Variants in MYOCD observed in about 807,000 individuals in gnomAD.
The protein encoded by MYOCD is myocardin.
In MYOCD, 32 loss-of-function variants were observed where a neutral mutation model predicts 96.1. The observed-to-expected ratio is 0.33, with a 90% CI of 0.25 to 0.45. MYOCD has a LOEUF of 0.45. MYOCD is among the 20% of genes least tolerant of loss of function. The pLI, the probability that MYOCD is intolerant of heterozygous loss-of-function variation, is 1.00. For missense variants in MYOCD, 1,133 were observed against 1,200.6 expected (o/e 0.94, Z 0.83); for synonymous variants, 469 against 469.0 (o/e 1.00, Z 0.00).
At chr17:12,760,547 T>C in intron 12 of MYOCD, 103 bp from the exon 13 acceptor site, 2 of 934,730 alleles carry the variant, frequency 2.1e-6, no homozygotes, top group Non-Finnish European at 3.4e-6. Flanking sequence ...AAAAATACCT[T>C]GACCAAACCT....
intron 4 of MYOCD, among the ~76,000 whole-genome samples, chr17:12,720,717 A>C (rs2031804651): frequency 6.6e-6 from 1 of 152,150 alleles, no homozygotes; most frequent in African/African-American, 2.4e-5. Context: ...AAAGACACAC[A>C]GGTCTTAAAA....
intron 13 of MYOCD, 92 bp from the exon 14 acceptor site, chr17:12,762,981 G>A (rs1033807934): frequency 9.3e-7 from 1 of 1,078,606 alleles, no homozygotes; most frequent in Non-Finnish European, 1.3e-6. Context: ...GGGAAGCGTG[G>A]CCATCTTCTG....
chr17:12,708,568 A>G (rs1280465401), intron 2 of MYOCD, among the ~76,000 whole-genome samples: 1 of 151,708 alleles, frequency 6.6e-6, no homozygotes, highest in Non-Finnish European at 1.5e-5. Context: ...AATTTTTTGT[A>G]TTTTTAGTAG....
intron 1 of MYOCD, among the ~76,000 whole-genome samples, chr17:12,667,572 G>T (rs1019194571): frequency 3.3e-5 from 5 of 152,204 alleles, no homozygotes; most frequent in African/African-American, 1.2e-4. Context: ...AAGAAGAGAG[G>T]ATGTAGATTT....
rs2033247906 is a variant in MYOCD, at chr17:12,763,512, C to T, written c.2829C>T (p.Leu943=). 1.2e-6 allele frequency: 2 copies of T among 1,614,190 alleles called. No homozygotes were observed. The highest frequency in any genetic ancestry group is 2.2e-5 in the South Asian group (2 of 91,084). Residue 943 remains leucine, a synonymous_variant, in exon 14 of 14, where the codon CTC becomes CTT. Coordinates refer to ENST00000425538, the MANE Select transcript of MYOCD (RefSeq NM_001146312.3). ...GGGAAACCATGGAGTGGCTGGACCTCACTCCGCCAAATTCCACACCAGGCT... is the reference window on the plus strand; with the variant it reads ...GGGAAACCATGGAGTGGCTGGACCTTACTCCGCCAAATTCCACACCAGGCT... ...SPWETMEWLD[L]TPPNSTPGFS... is the part of the protein sequence containing the mutation.
chr17:12,758,111 G>A lies in MYOCD; in HGVS notation c.2229G>A (p.Lys743=). The A allele has an allele frequency of 1.2e-6, 2 of 1,614,020 alleles. No homozygotes were observed. The highest frequency in any genetic ancestry group is 1.7e-6 in the Non-Finnish European group (2 of 1,179,974). The part of the protein sequence containing the change: ...QKMAGLHSSD[K]VGPKFSIPSP... The stretch of plus-strand genomic sequence containing the variant: ...TGGCTGGTTTACACTCTTCTGATAA[G>A]GTGGGGCCAAAGTTTTCAATTCCAT... The change falls in exon 12 of 14, where the codon AAG becomes AAA. Residue 743 remains lysine, a synonymous_variant. Transcript: ENST00000425538.
intron 5 of MYOCD, among the ~76,000 whole-genome samples, chr17:12,728,304 A>G (rs1394318650): frequency 6.6e-6 from 1 of 152,170 alleles, no homozygotes; most frequent in African/African-American, 2.4e-5. Context: ...CGAAAGTCGT[A>G]TATTGTCCAG....
In MYOCD at chr17:12,763,666, A is replaced by G. The variant is rs755129310; in HGVS notation, c.*22A>G. 19 of 1,579,684 alleles carry G rather than the reference A, an allele frequency of 1.2e-5. No individual in the cohort carries two copies. The highest frequency in any genetic ancestry group is 6.7e-5 in the African/African-American group (5 of 74,334). ...GTAGAATGCCCAATGCACCAGTGCT[A>G]TGGAAGACCAATGGAGTTCCATGGG... On this transcript the variant is annotated 3_prime_UTR_variant, in exon 14 of 14. Coordinates refer to ENST00000425538, the MANE Select transcript of MYOCD (RefSeq NM_001146312.3).
intron 5 of MYOCD, among the ~76,000 whole-genome samples, chr17:12,733,864 T>C (rs2032254633): frequency 1.0e-5 from 1 of 99,404 alleles, no homozygotes. Flanking sequence ...AGACTCCGTC[T>C]CAAAAAAAAG....
intron 1 of MYOCD, among the ~76,000 whole-genome samples, chr17:12,700,428 T>TTTTTTTTTTC (rs397856913): frequency 9.2e-5 from 13 of 140,878 alleles, no homozygotes; most frequent in Non-Finnish European, 1.7e-4. Context: ...TTTTTTTTTT[T>TTTTTTTTTTC]GAGATGGAGT....
chr17:12,674,840 T>C (rs1469649743), intron 1 of MYOCD, among the ~76,000 whole-genome samples: 1 of 152,214 alleles, frequency 6.6e-6, no homozygotes, highest in African/African-American at 2.4e-5. Context: ...TATAAAATAT[T>C]TGAAGAAAAC....
chr17:12,753,551 T>G (rs1222477153), intron 10 of MYOCD, among the ~76,000 whole-genome samples: 1 of 152,198 alleles, frequency 6.6e-6, no homozygotes, highest in Non-Finnish European at 1.5e-5. Context: ...GCAAACTTAC[T>G]CTGTAAAGGG....
At chr17:12,681,469 C>A (rs1053498775) in intron 1 of MYOCD, among the ~76,000 whole-genome samples, 10 of 152,130 alleles carry the variant, frequency 6.6e-5, no homozygotes, top group Non-Finnish European at 1.2e-4. Flanking sequence ...TCGCAGTGTT[C>A]GTGTGAACAG....
chr17:12,683,007 C>T (rs527419854), intron 1 of MYOCD, among the ~76,000 whole-genome samples: 69 of 152,178 alleles, frequency 4.5e-4, no homozygotes, highest in Admixed American at 3.6e-3. Flanking sequence ...TCAAACTGAA[C>T]GACAGGACTG....
intron 1 of MYOCD, among the ~76,000 whole-genome samples, chr17:12,698,057 G>T (rs16946444): frequency 0.098 from 14,935 of 152,168 alleles, 865 homozygotes; most frequent in Non-Finnish European, 0.13. Flanking sequence ...GAGAGTTTGT[G>T]TGGGGAATAA....
intron 12 of MYOCD, among the ~76,000 whole-genome samples, chr17:12,758,915 G>A (rs1052680407): frequency 6.6e-6 from 1 of 152,038 alleles, no homozygotes; most frequent in Non-Finnish European, 1.5e-5. Flanking sequence ...TGGGTGTGGT[G>A]GTGTGTGCCT....
At chr17:12,746,593 G>T (rs2032669245) in intron 9 of MYOCD, among the ~76,000 whole-genome samples, 1 of 152,088 alleles carries the variant, frequency 6.6e-6, no homozygotes, top group Admixed American at 6.6e-5. Context: ...CCATCTGTCA[G>T]ACCCCTCAAA....
rs1316432570 is a variant in MYOCD, at chr17:12,765,503, G to T, written c.*1859G>T. The T allele has an allele frequency of 2.0e-5, 3 of 152,074 alleles. No homozygotes were observed. The highest frequency in any genetic ancestry group is 4.4e-5 in the Non-Finnish European group (3 of 68,032). 9.4% of individuals were successfully genotyped at this position (152,074 alleles called of 1,614,324 possible). ...GAAAGCTGCCAGATCTTATTCTGGG[G>T]GTGGGATGTGGAGGAATACACATAC... On this transcript the variant is annotated 3_prime_UTR_variant, in exon 14 of 14. Coordinates refer to ENST00000425538, the MANE Select transcript of MYOCD (RefSeq NM_001146312.3).
Position 12,753,205 on chromosome 17 carries a change from G to T in MYOCD, c.1917G>T (p.Pro639=), listed in dbSNP as rs563372096. 2 of 1,613,992 alleles carry T rather than the reference G, an allele frequency of 1.2e-6. No homozygotes were observed. Among genetic ancestry groups the T allele is most frequent in the Non-Finnish European group, 1.7e-6 (2 of 1,179,984 alleles). Residue 639 remains proline (P), a synonymous_variant, in exon 10 of 14, where the codon CCG becomes CCT. Transcript: ENST00000425538. Reference sequence around the variant, plus strand: ...CCCAGTGTTCCCCTCAGCATTCACCGCTGGGGGCTGTGAAAAGCCCACAGC... The same window carrying T: ...CCCAGTGTTCCCCTCAGCATTCACCTCTGGGGGCTGTGAAAAGCCCACAGC... ...LSPQCSPQHS[P]LGAVKSPQHI...
Sources: allele counts gnomAD v4.1 joint callset (sites outside exome capture counted in the v4.1 genomes callset), GRCh38; gene constraint gnomAD v4.1.1; transcripts MANE v1.5; gene names NCBI Gene and HGNC (gene_info 2026-07-23, HGNC 2026-07-21).